Variants in AOX1 observed in about 807,000 individuals in gnomAD.
AOX1 encodes aldehyde oxidase.
Under a neutral mutation model 169.5 loss-of-function variants are expected in AOX1, and 153 were observed. The observed-to-expected ratio is 0.90, with a 90% confidence interval of 0.79 to 1.03. The LOEUF (loss-of-function observed/expected upper bound fraction) is 1.03, where lower values mean the gene tolerates loss of function less well. Among genes scored for constraint, AOX1 ranks in the 50% least tolerant of loss-of-function variants. The pLI, the probability that AOX1 is intolerant of heterozygous loss-of-function variation, is 0.00. For missense variants in AOX1, 1,656 were observed against 1,663.9 expected (o/e 1.00, Z 0.08); for synonymous variants, 562 against 581.9 (o/e 0.97, Z 0.49).
At chr2:200,604,928 C>G in intron 9 of AOX1, 88 bp downstream of exon 9, 1 of 1,197,360 alleles carries the variant, frequency 8.4e-7, no homozygotes, top group Non-Finnish European at 1.2e-6. Flanking sequence ...ACTTCATATA[C>G]ATGTGTTCTC....
chr2:200,650,099 G>A (rs931354424), intron 25 of AOX1, among the ~76,000 whole-genome samples: 4 of 152,140 alleles, frequency 2.6e-5, no homozygotes, highest in Admixed American at 6.5e-5. Flanking sequence ...TCTCTTGAAC[G>A]TGTGGGAGGC....
intron 28 of AOX1, among the ~76,000 whole-genome samples, chr2:200,659,784 TCTCACACA>T (rs1041825990): frequency 7.5e-5 from 6 of 79,578 alleles, no homozygotes; most frequent in African/African-American, 8.1e-5. Context: ...CAGTTCTCTC[TCTCACACA>T]CACACACACA....
chr2:200,612,474 C>T (rs2034659056), intron 13 of AOX1, 135 bp from the exon 14 acceptor site: 2 of 794,590 alleles, frequency 2.5e-6, no homozygotes, highest in Admixed American at 2.3e-5. Context: ...AACACACACA[C>T]ACTACCTGGT....
intron 30 of AOX1, among the ~76,000 whole-genome samples, chr2:200,662,522 T>G (rs1397242797): frequency 6.6e-6 from 1 of 151,960 alleles, no homozygotes; most frequent in Non-Finnish European, 1.5e-5. Context: ...TAGCGTTTGG[T>G]GTAAAATGAA....
chr2:200,651,123 G>A lies in AOX1; in HGVS notation c.2997G>A (p.Glu999=), dbSNP rs758602676. 2.5e-6 allele frequency: 4 copies of A among 1,614,098 alleles called. No individual in the cohort carries two copies. In the African/African-American group the frequency reaches 5.3e-5, roughly 22 times the overall value. Residue 999 remains glutamate, a synonymous_variant, in exon 26 of 35, where the codon GAG becomes GAA. Transcript: ENST00000374700. ...TTGCTGTGGAAAAGTTCAATGCAGAGAATTATTGGAAGAAGAAAGGACTGG... is the reference window on the plus strand; with the variant it reads ...TTGCTGTGGAAAAGTTCAATGCAGAAAATTATTGGAAGAAGAAAGGACTGG... ...RKVAVEKFNA[E]NYWKKKGLAM... is the part of the protein sequence containing the mutation.
chr2:200,664,941 A>AAGCCCC (rs1411988525), intron 31 of AOX1, among the ~76,000 whole-genome samples: 2 of 152,132 alleles, frequency 1.3e-5, no homozygotes, highest in African/African-American at 4.8e-5. Context: ...GAGGCTTGTC[A>AAGCCCC]AGCTGTGGCT....
chr2:200,659,732 G>GT (rs1215751657), intron 28 of AOX1, among the ~76,000 whole-genome samples: 5 of 151,030 alleles, frequency 3.3e-5, no homozygotes, highest in Admixed American at 2.0e-4. Flanking sequence ...TTTCCAAGAG[G>GT]TTTTTTATTA....
At chr2:200,661,484 T>A (rs1281976640) in intron 29 of AOX1, 95 bp from the exon 30 acceptor site, 1 of 1,000,750 alleles carries the variant, frequency 1.0e-6, no homozygotes, top group African/African-American at 1.6e-5. Context: ...TGCTGATAGT[T>A]TTATTTAACA....
In AOX1 at chr2:200,638,330, A is replaced by G. The variant is rs1343241024; in HGVS notation, c.2568+28A>G. ...GAGTACAAGAGGGCATGGAGGAAGG[A>G]TTTATGTTGTAGATACAACATCCTA... On this transcript the variant is annotated intron_variant, in intron 23 of 34. Coordinates refer to ENST00000374700, the MANE Select transcript of AOX1 (RefSeq NM_001159.4). 1.9e-6 allele frequency: 3 copies of G among 1,602,614 alleles called. No individual in the cohort carries two copies. In the South Asian group the frequency reaches 3.3e-5, roughly 18 times the overall value.
At chr2:200,630,003 G>C (rs2035082953) in intron 20 of AOX1, among the ~76,000 whole-genome samples, 1 of 152,012 alleles carries the variant, frequency 6.6e-6, no homozygotes, top group Non-Finnish European at 1.5e-5. Flanking sequence ...CCAGCACTTT[G>C]GGAGGCCAAG....
chr2:200,623,930 A>G lies in AOX1; in HGVS notation c.2071A>G (p.Lys691Glu). 1 of 1,614,162 alleles carries G rather than the reference A, an allele frequency of 6.2e-7. No homozygotes were observed. The change falls in exon 19 of 35, where the codon AAG becomes GAG. Residue 691 changes from lysine (K) to glutamate (E), a missense_variant. Transcript: ENST00000374700. ...DSEVQAKRAA[K>E]RVKIVYQDLE... Reference sequence around the variant, plus strand: ...TGAGGTTCAGGCAAAGCGAGCTGCTAAGCGAGTGAAGATTGTCTATCAAGA... The same window carrying G: ...TGAGGTTCAGGCAAAGCGAGCTGCTGAGCGAGTGAAGATTGTCTATCAAGA...
chr2:200,614,091 G>A (rs1231714529), intron 15 of AOX1, 125 bp downstream of exon 15: 12 of 901,514 alleles, frequency 1.3e-5, no homozygotes, highest in Non-Finnish European at 1.8e-5. Flanking sequence ...AGAAACACAC[G>A]TACTTGCTGA....
intron 5 of AOX1, among the ~76,000 whole-genome samples, 170 bp downstream of exon 5, chr2:200,599,916 G>C (rs1191288171): frequency 6.6e-6 from 1 of 152,206 alleles, no homozygotes; most frequent in South Asian, 2.1e-4. Flanking sequence ...CTCCCCTCAT[G>C]CTTTTACTTT....
chr2:200,607,536 A>G (rs1390580399), intron 10 of AOX1, among the ~76,000 whole-genome samples: 1 of 152,230 alleles, frequency 6.6e-6, no homozygotes, highest in Non-Finnish European at 1.5e-5. Flanking sequence ...AAATTAATTC[A>G]ACCGTTGTGG....
downstream of AOX1, among the ~76,000 whole-genome samples, chr2:200,673,312 G>A (rs1477588448): frequency 2.0e-5 from 3 of 152,160 alleles, no homozygotes; most frequent in Non-Finnish European, 2.9e-5. Context: ...TTGCCACTTG[G>A]ATGTCTCAAA....
chr2:200,644,206 T>G (rs1406674566), intron 25 of AOX1, among the ~76,000 whole-genome samples: 1 of 152,252 alleles, frequency 6.6e-6, no homozygotes, highest in Non-Finnish European at 1.5e-5. Flanking sequence ...GGTCTTAGGT[T>G]TAAGTCCTTA....
At chr2:200,670,560 T>A in intron 34 of AOX1, 69 bp from the exon 35 acceptor site, 1 of 1,359,804 alleles carries the variant, frequency 7.4e-7, no homozygotes, top group Non-Finnish European at 1.0e-6. Flanking sequence ...CTACTTTATG[T>A]TCTTCTATTT....
chr2:200,664,044 A>G (rs1176183177), intron 31 of AOX1, among the ~76,000 whole-genome samples: 1 of 152,144 alleles, frequency 6.6e-6, no homozygotes, highest in Non-Finnish European at 1.5e-5. Flanking sequence ...AACAGTGATC[A>G]CTTTGAGCAT....
chr2:200,617,776 G>A (rs2034795025), intron 16 of AOX1, among the ~76,000 whole-genome samples: 1 of 152,084 alleles, frequency 6.6e-6, no homozygotes, highest in East Asian at 1.9e-4. Flanking sequence ...AGAAGATGTG[G>A]GTGATTTTTT....
Sources: gnomAD v4.1 joint callset for allele counts (sites outside exome capture counted in the v4.1 genomes callset) on GRCh38, gnomAD v4.1.1 for gene constraint, MANE v1.5 for transcripts, NCBI Gene and HGNC (gene_info 2026-07-23, HGNC 2026-07-21) for gene names.